DYNLRB1: variants seen among roughly 807,000 people sequenced by gnomAD.
The protein encoded by DYNLRB1 is dynein light chain roadblock-type 1.
DYNLRB1 carries 6 observed loss-of-function variants against 13.5 expected under a neutral mutation model. The observed-to-expected ratio is 0.44, with a 90% CI of 0.24 to 0.88. The LOEUF is 0.88. Among genes scored for constraint, DYNLRB1 ranks in the 40% least tolerant of loss-of-function variants. DYNLRB1 has a pLI of 0.21. For synonymous variants in DYNLRB1, 43 were observed against 45.0 expected (o/e 0.96, Z 0.18); for missense variants, 93 against 127.2 (o/e 0.73, Z 1.29).
chr20:34,532,578 G>T lies in DYNLRB1; in HGVS notation c.80-2050G>T, dbSNP rs188351230. ...CCCCATCGCCGCCCCATCGTGGTTA[G>T]ATTATAATGGACGCATTCATTACTG... On this transcript the variant is annotated intron_variant, in intron 2 of 3. Coordinates refer to ENST00000357156, the MANE Select transcript of DYNLRB1 (RefSeq NM_014183.4). Among the ~76,000 whole-genome samples, 439 of 152,318 alleles carry T rather than the reference G, an allele frequency of 2.9e-3. 2 individuals carry two copies. Among genetic ancestry groups the T allele is most frequent in the Non-Finnish European group, 4.5e-3 (305 of 68,032 alleles).
chr20:34,524,089 T>A (rs1332898071), intron 1 of DYNLRB1, among the ~76,000 whole-genome samples: 1 of 152,218 alleles, frequency 6.6e-6, no homozygotes, highest in Non-Finnish European at 1.5e-5. Context: ...CATAGACTTC[T>A]TTTGGATGCA....
chr20:34,534,810 A>G lies in DYNLRB1; in HGVS notation c.247+15A>G, dbSNP rs1229611896. On this transcript the variant is annotated intron_variant, in intron 3 of 3. Transcript: ENST00000357156. ...GGTTGCACCAGGTAAGGGGTCTTCT[A>G]CCTCCCCATGTAGGAACAGACCTCA... 2 of 1,613,706 alleles carry G rather than the reference A, an allele frequency of 1.2e-6. No individual in the cohort carries two copies. Among genetic ancestry groups the G allele is most frequent in the South Asian group, 1.1e-5 (1 of 91,042 alleles).
chr20:34,522,477 T>C (rs1328840684), intron 1 of DYNLRB1, among the ~76,000 whole-genome samples: 15 of 136,348 alleles, frequency 1.1e-4, no homozygotes, highest in East Asian at 4.1e-4. Context: ...TTCTTTTTTT[T>C]TTTTTTTTTT....
intron 1 of DYNLRB1, among the ~76,000 whole-genome samples, chr20:34,517,559 T>C (rs1979343509): frequency 6.6e-6 from 1 of 152,124 alleles, no homozygotes; most frequent in South Asian, 2.1e-4. Flanking sequence ...TACATGCATA[T>C]GATGTGTAAT....
In DYNLRB1 at chr20:34,540,882, T is replaced by G; in HGVS notation, c.*258T>G. The stretch of plus-strand genomic sequence containing the variant: ...GCTTGCAGGAAGCCCGCACCCAGCT[T>G]CCTTCTGACCTTCAGTTCACTTTGT... On this transcript the variant is annotated 3_prime_UTR_variant, in exon 4 of 4. Coordinates refer to ENST00000357156, the MANE Select transcript of DYNLRB1 (RefSeq NM_014183.4). The G allele has an allele frequency of 2.2e-6, 1 of 458,516 alleles. No individual in the cohort carries two copies. The highest frequency in any genetic ancestry group is 3.8e-6 in the Non-Finnish European group (1 of 261,500). 28.4% of individuals were successfully genotyped at this position (458,516 alleles called of 1,614,324 possible).
intron 1 of DYNLRB1, among the ~76,000 whole-genome samples, chr20:34,519,270 C>G (rs770227430): frequency 6.6e-5 from 10 of 152,120 alleles, no homozygotes; most frequent in Non-Finnish European, 1.3e-4. Context: ...TTTATGTGGT[C>G]CCCATCTTAC....
chr20:34,533,962 C>G (rs372081354), intron 2 of DYNLRB1, among the ~76,000 whole-genome samples: 17 of 152,106 alleles, frequency 1.1e-4, no homozygotes, highest in African/African-American at 3.6e-4. Flanking sequence ...CATGGTGAAA[C>G]CTTGTCTCTA....
At chr20:34,534,820 G>A (rs1328115787) in intron 3 of DYNLRB1, 25 bp downstream of exon 3, 2 of 1,613,768 alleles carry the variant, frequency 1.2e-6, no homozygotes, top group Non-Finnish European at 1.7e-6. Flanking sequence ...ACCTCCCCAT[G>A]TAGGAACAGA....
upstream of DYNLRB1, among the ~76,000 whole-genome samples, chr20:34,515,733 A>T (rs1432148221): frequency 6.6e-6 from 1 of 152,086 alleles, no homozygotes; most frequent in African/African-American, 2.4e-5. Context: ...CTGGGCGCAA[A>T]GCGGGTCTCA....
chr20:34,516,569 G>T (rs1046664832), intron 1 of DYNLRB1, 108 bp downstream of exon 1: 2 of 1,562,894 alleles, frequency 1.3e-6, no homozygotes, highest in Non-Finnish European at 1.7e-6. Flanking sequence ...GGGAATCGGT[G>T]GTGGCTGGGC....
chr20:34,523,028 C>G (rs1413113321), intron 1 of DYNLRB1, among the ~76,000 whole-genome samples: 2 of 152,136 alleles, frequency 1.3e-5, no homozygotes, highest in African/African-American at 4.8e-5. Context: ...TGCCTTGCGT[C>G]TGGAGGAGGA....
At chr20:34,532,985 G>A (rs910306363) in intron 2 of DYNLRB1, among the ~76,000 whole-genome samples, 1 of 152,206 alleles carries the variant, frequency 6.6e-6, no homozygotes, top group South Asian at 2.1e-4. Context: ...GGAGCTACTT[G>A]TGCCACATTC....
intron 2 of DYNLRB1, 142 bp downstream of exon 2, chr20:34,526,485 C>CT (rs386393667): frequency 0.09 from 21,051 of 234,982 alleles, 30 homozygotes; most frequent in South Asian, 0.12. Context: ...CTCCAGTGTT[C>CT]TTTTTTTTTT....
intron 1 of DYNLRB1, chr20:34,516,779 C>T (rs1366260799): frequency 1.9e-6 from 3 of 1,550,012 alleles, no homozygotes; most frequent in Non-Finnish European, 1.7e-6. Flanking sequence ...TGCGCGATGG[C>T]AACCCTGGCA....
At chr20:34,540,183 G>A (rs1195453993) in intron 3 of DYNLRB1, among the ~76,000 whole-genome samples, 5 of 152,196 alleles carry the variant, frequency 3.3e-5, no homozygotes, top group Non-Finnish European at 7.3e-5. Context: ...GGTTCTGGGC[G>A]TAGAGCCCTC....
intron 2 of DYNLRB1, 142 bp downstream of exon 2, chr20:34,526,485 CTT>C (rs386393667): frequency 0.028 from 6,625 of 236,242 alleles, no homozygotes; most frequent in South Asian, 0.053. Context: ...CTCCAGTGTT[CTT>C]TTTTTTTTTT....
intron 3 of DYNLRB1, chr20:34,535,581 G>A: frequency 1.0e-6 from 1 of 953,500 alleles, no homozygotes; most frequent in Non-Finnish European, 1.2e-6. Flanking sequence ...GGCAGGCAGA[G>A]CCTCCAGGGC....
At chr20:34,539,789 G>A (rs1015738082) in intron 3 of DYNLRB1, among the ~76,000 whole-genome samples, 5 of 152,110 alleles carry the variant, frequency 3.3e-5, no homozygotes, top group East Asian at 1.9e-4. Context: ...GAGCCACCAC[G>A]CCTGACCTTC....
upstream of DYNLRB1, chr20:34,516,318 A>G (rs1421776993): frequency 4.4e-6 from 6 of 1,358,980 alleles, no homozygotes; most frequent in East Asian, 2.5e-5. Context: ...CGGAGCCAAG[A>G]TCGGCTCGCC....
Sources: gnomAD v4.1 joint callset for allele counts (sites outside exome capture counted in the v4.1 genomes callset) on GRCh38, gnomAD v4.1.1 for gene constraint, MANE v1.5 for transcripts, NCBI Gene and HGNC (gene_info 2026-07-23, HGNC 2026-07-21) for gene names.